TTLL3: variants seen among roughly 807,000 people sequenced by gnomAD.
The protein encoded by TTLL3 is tubulin tyrosine ligase like 3.
A neutral mutation model predicts 75.2 loss-of-function variants in TTLL3; 63 were observed. The observed-to-expected ratio is 0.84, with a 90% confidence interval of 0.68 to 1.03. The LOEUF is 1.03. Ranked by LOEUF, TTLL3 falls within the 50% of genes least tolerant of loss-of-function variation. The pLI, the probability that TTLL3 is intolerant of heterozygous loss-of-function variation, is 0.00. For synonymous variants in TTLL3, 393 were observed against 418.5 expected (o/e 0.94, Z 0.74); for missense variants, 997 against 1,069.9 (o/e 0.93, Z 0.95).
In TTLL3 at chr3:9,833,263, C is replaced by T. The variant is rs1335681409; in HGVS notation, c.1825+18C>T. Reference sequence around the variant, plus strand: ...TGGGGAAGGCAAGGACTCGGGGACCCCTACCCACAGGTCAGCTTCTAGGAA... The same window carrying T: ...TGGGGAAGGCAAGGACTCGGGGACCTCTACCCACAGGTCAGCTTCTAGGAA... On this transcript the variant is annotated intron_variant, in intron 12 of 13. Transcript: ENST00000685419. 2.5e-6 allele frequency: 4 copies of T among 1,613,108 alleles called. No individual in the cohort carries two copies. Among genetic ancestry groups the T allele is most frequent in the Non-Finnish European group, 3.4e-6 (4 of 1,179,778 alleles).
chr3:9,813,515 C>T (rs372022225), intron 4 of TTLL3, among the ~76,000 whole-genome samples, 170 bp downstream of exon 4: 45 of 152,278 alleles, frequency 3.0e-4, no homozygotes, highest in Middle Eastern at 3.4e-3. Context: ...CATGGTGGCT[C>T]ATGCCTGTGG....
At position 9,817,715 on chromosome 3, in the gene TTLL3, G is replaced by A. The variant is rs564317442; in HGVS notation, c.515G>A (p.Arg172His). 8.7e-6 allele frequency: 14 copies of A among 1,614,126 alleles called. No homozygotes were observed. In the African/African-American group the frequency reaches 1.1e-4, roughly 12 times the overall value. ...DEVDANSFFP[R>H]CYCLGAEDDK... ...GTTGATGCCAACTCCTTCTTCCCAC[G>A]CTGCTACTGCCTGGGGGCTGAGGAT... The change falls in exon 6 of 14, where the codon CGC (arginine) becomes CAC (histidine). Residue 172 changes from arginine to histidine, a missense_variant. Transcript: ENST00000685419.
chr3:9,834,611 G>A (rs35783864), intron 12 of TTLL3, 70 bp from the exon 13 acceptor site: 349,571 of 1,594,662 alleles, frequency 0.22, 42,027 homozygotes, highest in East Asian at 0.51. Context: ...TCCTCCACAC[G>A]TACCTGTTAG....
chr3:9,818,134 C>A (rs891574912), intron 6 of TTLL3: 1 of 187,398 alleles, frequency 5.3e-6, no homozygotes, highest in East Asian at 1.4e-4. Flanking sequence ...GGTTCCGATT[C>A]CACAATATGT....
At chr3:9,834,172 C>A in intron 12 of TTLL3, 1 of 320,554 alleles carries the variant, frequency 3.1e-6, no homozygotes, top group Non-Finnish European at 6.2e-6. Context: ...AAAGTAGTCA[C>A]TCTGCCTCAC....
chr3:9,828,633 C>CTGGCGA lies in TTLL3; in HGVS notation c.1248-324_1248-319dup, dbSNP rs1464238788. Reference sequence around the variant, plus strand: ...TGTGGAGATGGCGCTTGAACACGTCCTGGCGATGACGGGGCCATACCCTTA... The same window carrying CTGGCGA: ...TGTGGAGATGGCGCTTGAACACGTCCTGGCGATGGCGATGACGGGGCCATACCCTTA... On this transcript the variant is annotated intron_variant, in intron 10 of 13. Coordinates refer to ENST00000685419, the MANE Select transcript of TTLL3 (RefSeq NM_001387446.1). The CTGGCGA allele has an allele frequency of 2.1e-5, 7 of 331,094 alleles. No individual in the cohort carries two copies. In the East Asian group the frequency reaches 3.7e-4, roughly 17 times the overall value. The allele number at this position is 331,094 out of a possible 1,614,324, so 20.5% of individuals were successfully genotyped here.
chr3:9,816,266 C>T, intron 5 of TTLL3, 64 bp downstream of exon 5: 1 of 1,300,338 alleles, frequency 7.7e-7, no homozygotes, highest in South Asian at 1.2e-5. Context: ...TGGCAGCTCT[C>T]CTCCCTGCTC....
rs542749408 is a variant in TTLL3, at chr3:9,813,291, C to T, written c.261C>T (p.Phe87=). The T allele has an allele frequency of 4.6e-5, 74 of 1,614,226 alleles. No homozygotes were observed. The highest frequency in any genetic ancestry group is 2.4e-4 in the South Asian group (22 of 91,076). Residue 87 remains phenylalanine (F), a synonymous_variant, in exon 4 of 14, where the codon TTC becomes TTT. Coordinates refer to ENST00000685419, the MANE Select transcript of TTLL3 (RefSeq NM_001387446.1). Reference sequence around the variant, plus strand: ...AGGAGTTCCAGCCATCACAGCTGTTCGACTTCGATGATTTACTGAAATTTG... The same window carrying T: ...AGGAGTTCCAGCCATCACAGCTGTTTGACTTCGATGATTTACTGAAATTTG... The part of the protein sequence containing the change: ...EDEEFQPSQL[F]DFDDLLKFDD...
At chr3:9,834,510 T>G in intron 12 of TTLL3, 171 bp from the exon 13 acceptor site, 1 of 1,089,804 alleles carries the variant, frequency 9.2e-7, no homozygotes, top group East Asian at 2.6e-5. Flanking sequence ...CCAGGTCTGT[T>G]GGACTCTACC....
intron 6 of TTLL3, 123 bp downstream of exon 6, chr3:9,817,882 C>A: frequency 8.0e-7 from 1 of 1,246,574 alleles, no homozygotes; most frequent in South Asian, 1.4e-5. Flanking sequence ...CAGCAGATTT[C>A]CCTTTCCACC....
chr3:9,817,494 G>C, intron 5 of TTLL3, 151 bp from the exon 6 acceptor site: 1 of 1,486,730 alleles, frequency 6.7e-7, no homozygotes, highest in Non-Finnish European at 8.9e-7. Flanking sequence ...CACCTCCCAG[G>C]CAAATATATG....
Position 9,835,657 on chromosome 3 carries a change from C to A in TTLL3, c.*168C>A. ...AGTCTGAAAGAGGAGGCATGGCTTA[C>A]CCAAGATCACGTGGCAGTGAGTCGA... is the stretch of plus-strand genomic sequence containing the variant. On this transcript the variant is annotated 3_prime_UTR_variant, in exon 14 of 14. Coordinates refer to ENST00000685419, the MANE Select transcript of TTLL3 (RefSeq NM_001387446.1). 1.5e-6 allele frequency: 1 copy of A among 666,182 alleles called. No individual in the cohort carries two copies. The highest frequency in any genetic ancestry group is 2.4e-6 in the Non-Finnish European group (1 of 414,198). 41.3% of individuals were successfully genotyped at this position (666,182 alleles called of 1,614,324 possible).
In TTLL3 at chr3:9,835,429, TGGAG is replaced by T; in HGVS notation, c.2391_2394del (p.Gly798GlnfsTer56). On this transcript the variant is annotated frameshift_variant, in exon 14 of 14. Transcript: ENST00000685419. LOFTEE classifies it low-confidence loss of function (END_TRUNC). ...ATTTGGGGCTTGACTCCATTGCTGTTGGAGGGTCAAGAGTGGATGGGGCGAGGCC... is the reference window on the plus strand; with the variant it reads ...ATTTGGGGCTTGACTCCATTGCTGTTGGTCAAGAGTGGATGGGGCGAGGCC... The T allele has an allele frequency of 1.2e-6, 2 of 1,612,706 alleles. No individual in the cohort carries two copies. The highest frequency in any genetic ancestry group is 8.5e-7 in the Non-Finnish European group (1 of 1,179,954).
intron 2 of TTLL3, among the ~76,000 whole-genome samples, chr3:9,811,154 C>T (rs75641597): frequency 0.014 from 2,156 of 152,350 alleles, 43 homozygotes; most frequent in Non-Finnish European, 0.018. Flanking sequence ...TTCCCCAGGT[C>T]TGTCTCCTTT....
rs779242315 is a variant in TTLL3, at chr3:9,825,926, A to G, written c.981A>G (p.Pro327=). Residue 327 remains proline, a synonymous_variant, in exon 9 of 14, where the codon CCA becomes CCG. Coordinates refer to ENST00000685419, the MANE Select transcript of TTLL3 (RefSeq NM_001387446.1). The part of the protein sequence containing the change: ...EGDRNIWIVK[P]GAKSRGRGIM... ...ATCGCAACATCTGGATCGTGAAGCC[A>G]GGAGCCAAGTCCCGCGGACGAGGTG... 1.9e-6 allele frequency: 3 copies of G among 1,613,878 alleles called. No individual in the cohort carries two copies. Among genetic ancestry groups the G allele is most frequent in the East Asian group, 2.2e-5 (1 of 44,878 alleles).
rs760700877 is a variant in TTLL3 at position 9,826,992 on chromosome 3, C to G, written c.1004-5C>G. ...CCAATCCCTGACTGCCCTCTTCCCC[C>G]GTAGGCATCATGTGCATGGACCACC... On this transcript the variant is annotated splice_polypyrimidine_tract_variant and splice_region_variant and intron_variant, in intron 9 of 13. Transcript: ENST00000685419. 1.5e-5 allele frequency: 25 copies of G among 1,613,980 alleles called. No individual in the cohort carries two copies. Among genetic ancestry groups the G allele is most frequent in the Admixed American group, 5.0e-5 (3 of 59,978 alleles).
In TTLL3 at chr3:9,833,085, C is replaced by G. The variant is rs1575417618; in HGVS notation, c.1684-19C>G. The stretch of plus-strand genomic sequence containing the variant: ...GTACCACTGACTGAGTGGGCCTTGT[C>G]TCCTCTTCTTGCCCACAGCCTGCTG... On this transcript the variant is annotated intron_variant, in intron 11 of 13. Transcript: ENST00000685419. 6.2e-7 allele frequency: 1 copy of G among 1,613,832 alleles called. No individual in the cohort carries two copies. Among genetic ancestry groups the G allele is most frequent in the Non-Finnish European group, 8.5e-7 (1 of 1,179,754 alleles).
rs1156910904 is a variant in TTLL3 at position 9,833,186 on chromosome 3, A to G, written c.1766A>G (p.His589Arg). 6.2e-7 allele frequency: 1 copy of G among 1,614,118 alleles called. No individual in the cohort carries two copies. Reference sequence around the variant, plus strand: ...ATCAAGAAGCCCATGGCGATGTGTCATCGGCGGATGGGGGTCCGCCCAGCA... The same window carrying G: ...ATCAAGAAGCCCATGGCGATGTGTCGTCGGCGGATGGGGGTCCGCCCAGCA... ...FTIKKPMAMC[H>R]RRMGVRPAVP... The change falls in exon 12 of 14, where the codon CAT becomes CGT. Residue 589 changes from histidine (H) to arginine (R), a missense_variant. Transcript: ENST00000685419.
rs1343989537 is a variant in TTLL3, at chr3:9,818,938, C to T, written c.658+18C>T. ...GGCCTCAGGTAAGTACTGTGGTTAC[C>T]TCCACTCTCCCACCCATTTATCCTC... On this transcript the variant is annotated intron_variant, in intron 7 of 13. Transcript: ENST00000685419. 1.2e-6 allele frequency: 2 copies of T among 1,613,956 alleles called. No homozygotes were observed. The highest frequency in any genetic ancestry group is 4.5e-5 in the East Asian group (2 of 44,872).
Sources: allele counts gnomAD v4.1 joint callset (sites outside exome capture counted in the v4.1 genomes callset), GRCh38; gene constraint gnomAD v4.1.1; transcripts MANE v1.5; gene names NCBI Gene and HGNC (gene_info 2026-07-23, HGNC 2026-07-21).